GOSR2: variants seen among roughly 807,000 people sequenced by gnomAD.
GOSR2 encodes the protein golgi SNAP receptor complex member 2.
Under a neutral mutation model 27.9 loss-of-function variants are expected in GOSR2, and 20 were observed. The observed-to-expected ratio is 0.72, with a 90% CI of 0.50 to 1.04. GOSR2 has a LOEUF of 1.04. Ranked by LOEUF, GOSR2 falls within the 50% of genes least tolerant of loss-of-function variation. GOSR2 has a pLI of 0.00. For missense variants in GOSR2, 261 were observed against 270.5 expected, an observed-to-expected ratio of 0.97 and a Z score of 0.25; for synonymous variants, 91 against 98.8, an observed-to-expected ratio of 0.92 and a Z score of 0.47.
chr17:46,967,036 A>G, downstream of GOSR2: 1 of 201,564 alleles, frequency 5.0e-6, no homozygotes, highest in Non-Finnish European at 9.9e-6. Context: ...CTGTGTGTCC[A>G]ACAAAGGTTT....
At chr17:46,924,049 C>G (rs2086125254) in intron 1 of GOSR2, among the ~76,000 whole-genome samples, 1 of 152,214 alleles carries the variant, frequency 6.6e-6, no homozygotes, top group Non-Finnish European at 1.5e-5. Flanking sequence ...TGAGTACATT[C>G]ACAACTTACA....
Position 46,938,927 on chromosome 17 carries a change from G to T in GOSR2, c.*167G>T. The T allele has an allele frequency of 6.6e-7, 1 of 1,509,580 alleles. No individual in the cohort carries two copies. The highest frequency in any genetic ancestry group is 1.2e-5 in the South Asian group (1 of 82,682). The allele number at this position is 1,509,580 out of a possible 1,614,324, so 93.5% of individuals were successfully genotyped here. A position where few individuals can be genotyped will look rare whatever the true frequency, so the allele number is the denominator to read the frequency against. On this transcript the variant is annotated 3_prime_UTR_variant, in exon 6 of 6. Coordinates refer to ENST00000640051, the MANE Select transcript of GOSR2 (RefSeq NM_004287.5). The stretch of plus-strand genomic sequence containing the variant: ...TAATTTCCAACCTGCTCTGTTTTCT[G>T]TGACATCTTGGAGGGGGAGCTAGTG...
intron 6 of GOSR2, among the ~76,000 whole-genome samples, chr17:46,950,905 G>T (rs1364588840): frequency 6.6e-6 from 1 of 152,200 alleles, no homozygotes; most frequent in African/African-American, 2.4e-5. Flanking sequence ...GACCCAGTCG[G>T]TGATGAGAGA....
In GOSR2 at chr17:46,936,403, A is replaced by G. The variant is rs370242650; in HGVS notation, c.477+1234A>G. The stretch of plus-strand genomic sequence containing the variant: ...GGCATCAGCACACCTCTTGCCACCC[A>G]CACTGATACCAGAGGGGAAGGCTGT... On this transcript the variant is annotated intron_variant, in intron 5 of 5. Coordinates refer to ENST00000640051, the MANE Select transcript of GOSR2 (RefSeq NM_004287.5). The G allele has an allele frequency of 8.9e-5, 88 of 985,368 alleles. No homozygotes were observed. The African/African-American group carries it at 1.4e-3, about 16-fold the overall frequency. 61.0% of individuals were successfully genotyped at this position (985,368 alleles called of 1,614,324 possible).
At chr17:46,923,604 G>A in intron 1 of GOSR2, 3 of 1,270,256 alleles carry the variant, frequency 2.4e-6, no homozygotes, top group Non-Finnish European at 3.0e-6. Context: ...CCTGGCCGTA[G>A]GAGTGTACTG....
At chr17:46,937,269 T>A (rs1349162120) in intron 5 of GOSR2, 3 of 152,182 alleles carry the variant, frequency 2.0e-5, no homozygotes, top group Non-Finnish European at 4.4e-5. Context: ...GAGACCCTCT[T>A]GTAAATATGG....
At chr17:46,947,163 A>G (rs1345361236) in intron 6 of GOSR2, among the ~76,000 whole-genome samples, 2 of 152,138 alleles carry the variant, frequency 1.3e-5, no homozygotes, top group Non-Finnish European at 2.9e-5. Flanking sequence ...AGGAACCCTC[A>G]GCTGTCTCTG....
chr17:46,934,988 T>A, intron 4 of GOSR2, 41 bp from the exon 5 acceptor site: 2 of 1,597,860 alleles, frequency 1.3e-6, no homozygotes, highest in Non-Finnish European at 1.7e-6. Context: ...AGGAACTGAC[T>A]GATAAGCAAA....
At chr17:46,927,869 T>C (rs1271212803) in intron 1 of GOSR2, among the ~76,000 whole-genome samples, 1 of 152,146 alleles carries the variant, frequency 6.6e-6, no homozygotes, top group African/African-American at 2.4e-5. Flanking sequence ...ATGTCACTGT[T>C]CGTGTTGATC....
chr17:46,969,095 G>A (rs1011408889), downstream of GOSR2, among the ~76,000 whole-genome samples: 26 of 152,300 alleles, frequency 1.7e-4, no homozygotes, highest in South Asian at 6.2e-4. Flanking sequence ...CACAGCCACC[G>A]GCCTCCCAGG....
chr17:46,942,347 C>G (rs1472339117), downstream of GOSR2, among the ~76,000 whole-genome samples: 1 of 152,240 alleles, frequency 6.6e-6, no homozygotes, highest in Non-Finnish European at 1.5e-5. Context: ...CCCTGCCAAT[C>G]TGAAACCCTC....
intron 6 of GOSR2, among the ~76,000 whole-genome samples, chr17:46,954,733 A>C (rs2147258634): frequency 6.6e-6 from 1 of 152,304 alleles, no homozygotes; most frequent in South Asian, 2.1e-4. Context: ...CCTTGAAGAC[A>C]TCCTTCACAT....
At chr17:46,954,364 C>G (rs1387737517) in intron 6 of GOSR2, among the ~76,000 whole-genome samples, 4 of 152,160 alleles carry the variant, frequency 2.6e-5, no homozygotes, top group Non-Finnish European at 1.5e-5. Flanking sequence ...GGCATTATTT[C>G]TGAGGGCTCT....
rs2088277389 is a variant in GOSR2 at position 46,936,052 on chromosome 17, C to G, written c.477+883C>G. On this transcript the variant is annotated intron_variant, in intron 5 of 5. Coordinates refer to ENST00000640051, the MANE Select transcript of GOSR2 (RefSeq NM_004287.5). ...TACGTTTCTGAACAGTCCCTGCCAT[C>G]TCTACGGGGGAGAGGGTCAGGCAAG... 4.1e-6 allele frequency: 4 copies of G among 985,822 alleles called. No homozygotes were observed. The South Asian group carries it at 1.9e-4, about 46-fold the overall frequency. 61.1% of individuals were successfully genotyped at this position (985,822 alleles called of 1,614,324 possible). A position where few individuals can be genotyped will look rare whatever the true frequency, so the allele number is the denominator to read the frequency against.
chr17:46,931,511 A>G (rs1273120323), intron 3 of GOSR2: 7 of 443,822 alleles, frequency 1.6e-5, no homozygotes, highest in South Asian at 2.6e-5. Context: ...TAATGTTGCC[A>G]TGGAGTTTTG....
rs1225541153 is a variant in GOSR2 at position 46,966,475 on chromosome 17, G to A, written c.584-59G>A. On this transcript the variant is annotated intron_variant, in intron 6 of 6. Coordinates refer to the GOSR2 transcript ENST00000573224. The stretch of plus-strand genomic sequence containing the variant: ...CAATCCTCCCATCTCAGCCTCCAGG[G>A]TAGTTGGAACTACAGGTGCACCCCA... The A allele has an allele frequency of 4.6e-6, 3 of 651,794 alleles. No homozygotes were observed. The East Asian group carries it at 8.5e-5, about 19-fold the overall frequency. The allele number at this position is 651,794 out of a possible 1,614,324, so 40.4% of individuals were successfully genotyped here. A position where few individuals can be genotyped will look rare whatever the true frequency, so the allele number is the denominator to read the frequency against.
intron 4 of GOSR2, 148 bp downstream of exon 4, chr17:46,932,347 T>C (rs2087531704): frequency 1.2e-6 from 1 of 857,062 alleles, no homozygotes; most frequent in Non-Finnish European, 1.9e-6. Flanking sequence ...CTTTGTGCAT[T>C]GCCACAGAGA....
chr17:46,960,694 G>A (rs142421450), intron 6 of GOSR2, among the ~76,000 whole-genome samples: 3 of 152,216 alleles, frequency 2.0e-5, no homozygotes, highest in African/African-American at 4.8e-5. Flanking sequence ...AAAAAGGAAC[G>A]AACTACTGAA....
rs1208336650 is a variant in GOSR2, at chr17:46,940,725, G to T, written c.*1965G>T. On this transcript the variant is annotated 3_prime_UTR_variant, in exon 6 of 6. Coordinates refer to ENST00000640051, the MANE Select transcript of GOSR2 (RefSeq NM_004287.5). ...GTGCTTTCCACACTTGACAGTGGTT[G>T]GCTTTGATGAACCCTCATGCTGCAC... The T allele has an allele frequency of 6.3e-7, 1 of 1,595,746 alleles. No homozygotes were observed. The highest frequency in any genetic ancestry group is 2.2e-5 in the East Asian group (1 of 44,546).
Sources: allele counts gnomAD v4.1 joint callset (sites outside exome capture counted in the v4.1 genomes callset), GRCh38; gene constraint gnomAD v4.1.1; transcripts MANE v1.5; gene names NCBI Gene and HGNC (gene_info 2026-07-23, HGNC 2026-07-21).